MRTFB: variants seen among roughly 807,000 people sequenced by gnomAD.
The protein encoded by MRTFB is myocardin-related transcription factor B.
In MRTFB, 29 loss-of-function variants were observed where a neutral mutation model predicts 104.2. That is an observed-to-expected ratio of 0.28 (90% CI 0.21 to 0.38). The LOEUF is 0.38. Among genes scored for constraint, MRTFB ranks in the 10% least tolerant of loss-of-function variants. MRTFB has a pLI of 1.00. For synonymous variants in MRTFB, 535 were observed against 519.5 expected (o/e 1.03, Z -0.41); for missense variants, 1,270 against 1,341.6 (o/e 0.95, Z 0.83).
chr16:14,127,930 T>TATATATATATATATA (rs1491428460), intron 2 of MRTFB, among the ~76,000 whole-genome samples: 15 of 31,642 alleles, frequency 4.7e-4, no homozygotes, highest in African/African-American at 2.7e-3. Context: ...TATATATATA[T>TATATATATATATATA]TTTTTTTTTT....
At chr16:13,996,226 C>T in the MRTFB span, among the ~76,000 whole-genome samples, 3 of 151,724 alleles carry the variant, frequency 2.0e-5, no homozygotes, top group Non-Finnish European at 2.9e-5. Context: ...GAGCCAAGAT[C>T]GTGCCGTTGC....
rs148027157 is a variant in MRTFB at position 14,245,639 on chromosome 16, T to G, written c.1191T>G (p.Pro397=). The part of the protein sequence containing the change: ...STPVRKPGPL[P]SSLDDLKVSE... ...CTGTGAGAAAGCCAGGACCTCTGCC[T>G]TCTAGCCTGGATGACTTAAAGGTGA... is the stretch of plus-strand genomic sequence containing the variant. The change falls in exon 11 of 17, where the codon CCT becomes CCG. Residue 397 remains proline (P), a synonymous_variant. Transcript: ENST00000571589. 2.0e-4 allele frequency: 323 copies of G among 1,613,688 alleles called. No homozygotes were observed. The African/African-American group carries it at 3.7e-3, about 18-fold the overall frequency.
At chr16:14,053,384 A>G in the MRTFB span, among the ~76,000 whole-genome samples, 1 of 152,188 alleles carries the variant, frequency 6.6e-6, no homozygotes, top group African/African-American at 2.4e-5. Flanking sequence ...TGCAATAAAC[A>G]TTGATGTAGC....
chr16:14,205,243 G>T (rs1597243971), intron 3 of MRTFB, among the ~76,000 whole-genome samples: 1 of 151,880 alleles, frequency 6.6e-6, no homozygotes, highest in African/African-American at 2.4e-5. Context: ...AACATATTTG[G>T]CTCCTATCAT....
Position 14,177,623 on chromosome 16 carries a change from G to A in MRTFB, c.155-32620G>A, listed in dbSNP as rs1223068133. 3.9e-5 allele frequency among the ~76,000 whole-genome samples: 6 copies of A among 152,014 alleles called. No homozygotes were observed. The highest frequency in any genetic ancestry group is 9.7e-5 in the African/African-American group (4 of 41,402). On this transcript the variant is annotated intron_variant, in intron 3 of 16. Transcript: ENST00000571589. This position sits in a 1 kb window ranked among gnomAD's most constrained non-coding sequence, Gnocchi z 4.7. ...GAGGATTGCTTCAGCCCAGGAGTTC[G>A]AGACCAGCCTGAGCAACATAGCAAG...
the MRTFB span, among the ~76,000 whole-genome samples, chr16:14,060,494 A>C: frequency 1.3e-5 from 2 of 151,890 alleles, no homozygotes; most frequent in African/African-American, 4.8e-5. Flanking sequence ...ACCCTGTTTG[A>C]ATTTTCATTT....
At position 14,246,572 on chromosome 16, in the gene MRTFB, A is replaced by G; in HGVS notation, c.1312A>G (p.Ser438Gly). 6.2e-7 allele frequency: 1 copy of G among 1,614,210 alleles called. No individual in the cohort carries two copies. ...ERLKPYQEVNSSGLAAGGIVA... is the reference protein window; with the variant it reads ...ERLKPYQEVNGSGLAAGGIVA... The stretch of plus-strand genomic sequence containing the variant: ...CCTAAAACCCTACCAGGAAGTGAAC[A>G]GCAGCGGCCTTGCTGCTGGGGGCAT... The change falls in exon 12 of 17, where the codon AGC becomes GGC. Residue 438 changes from serine (S) to glycine (G), a missense_variant. Physicochemically the swap from Ser to Gly is moderately conservative, Grantham distance 56 (BLOSUM62 0). Coordinates refer to ENST00000571589, the MANE Select transcript of MRTFB (RefSeq NM_001308142.2).
the MRTFB span, among the ~76,000 whole-genome samples, chr16:13,997,483 G>A: frequency 0.053 from 7,994 of 152,230 alleles, 302 homozygotes; most frequent in African/African-American, 0.11. Context: ...CCCTGAAAAA[G>A]TTTACAAGGA....
intron 3 of MRTFB, among the ~76,000 whole-genome samples, chr16:14,187,632 ATTGTT>A (rs2040004984): frequency 6.6e-6 from 1 of 152,342 alleles, no homozygotes; most frequent in Admixed American, 6.5e-5. Flanking sequence ...GTCGATTATT[ATTGTT>A]AGTAAACACT....
At chr16:14,108,641 C>T (rs535550353) in intron 2 of MRTFB, among the ~76,000 whole-genome samples, 2 of 152,208 alleles carry the variant, frequency 1.3e-5, no homozygotes, top group African/African-American at 4.8e-5. Flanking sequence ...TTCTCTCTCC[C>T]CTTGGATTGG....
intron 2 of MRTFB, among the ~76,000 whole-genome samples, chr16:14,088,156 AT>A: frequency 6.6e-6 from 1 of 152,336 alleles, no homozygotes; most frequent in South Asian, 2.1e-4. Context: ...ACTGTTACTT[AT>A]ACTGTGATAT....
chr16:14,032,109 A>C, the MRTFB span, among the ~76,000 whole-genome samples: 2 of 152,122 alleles, frequency 1.3e-5, no homozygotes, highest in Non-Finnish European at 2.9e-5. Context: ...ACCTGGCCTA[A>C]TGAGGTGACT....
At chr16:14,131,427 A>G (rs1239227093) in intron 2 of MRTFB, among the ~76,000 whole-genome samples, 1 of 152,200 alleles carries the variant, frequency 6.6e-6, no homozygotes, top group Non-Finnish European at 1.5e-5. Context: ...TCAAAAGTAC[A>G]AGCAACCAAG....
chr16:14,221,536 A>G lies in MRTFB; in HGVS notation c.693+2538A>G, dbSNP rs1235857542. On this transcript the variant is annotated intron_variant, in intron 8 of 16. Coordinates refer to ENST00000571589, the MANE Select transcript of MRTFB (RefSeq NM_001308142.2). Reference sequence around the variant, plus strand: ...GCAGTCTGTTTTTTCCTGCTTTAGAATTACCATCATACCACTGCCACAAAG... The same window carrying G: ...GCAGTCTGTTTTTTCCTGCTTTAGAGTTACCATCATACCACTGCCACAAAG... Among the ~76,000 whole-genome samples the G allele has an allele frequency of 2.0e-5, 3 of 152,196 alleles. No homozygotes were observed. In the South Asian group the frequency reaches 6.2e-4, roughly 31 times the overall value.
chr16:14,252,448 C>T lies in MRTFB; in HGVS notation c.2649C>T (p.Pro883=), dbSNP rs757919796. 1.7e-5 allele frequency: 27 copies of T among 1,613,802 alleles called. No homozygotes were observed. The Admixed American group carries it at 4.3e-4, about 26-fold the overall frequency. The stretch of plus-strand genomic sequence containing the variant: ...CAGTCGCCAAGACAAAAGATCCCCC[C>T]CGCTATGAGGAGGCCATCAAGCAGA... ...GSPVAKTKDP[P]RYEEAIKQTR... The change falls in exon 15 of 17, where the codon CCC becomes CCT. Residue 883 remains proline (P), a synonymous_variant. Transcript: ENST00000571589.
the MRTFB span, among the ~76,000 whole-genome samples, chr16:14,044,531 T>C: frequency 2.6e-5 from 4 of 152,180 alleles, no homozygotes; most frequent in African/African-American, 9.6e-5. Flanking sequence ...TCTGCTATAA[T>C]CTGGAGAAAG....
chr16:14,176,175 T>G (rs2039577123), intron 3 of MRTFB, among the ~76,000 whole-genome samples: 1 of 152,202 alleles, frequency 6.6e-6, no homozygotes, highest in Admixed American at 6.5e-5. Context: ...GTCAGTTGAT[T>G]GATTATAAGG....
intron 3 of MRTFB, among the ~76,000 whole-genome samples, chr16:14,206,731 G>C (rs1408193985): frequency 6.6e-6 from 1 of 152,000 alleles, no homozygotes; most frequent in African/African-American, 2.4e-5. Flanking sequence ...CAGTGGAGAC[G>C]GGTTTCACCA....
chr16:14,216,019 T>C (rs1442724031), intron 6 of MRTFB, among the ~76,000 whole-genome samples: 1 of 152,276 alleles, frequency 6.6e-6, no homozygotes, highest in Non-Finnish European at 1.5e-5. Context: ...TTTTGAAGTT[T>C]TATCATTTTC....
Sources: gnomAD v4.1 joint callset for allele counts (sites outside exome capture counted in the v4.1 genomes callset) on GRCh38, gnomAD v4.1.1 for gene constraint, Gnocchi (gnomAD v3.1) non-coding constraint, MANE v1.5 for transcripts, NCBI Gene and HGNC (gene_info 2026-07-23, HGNC 2026-07-21) for gene names.